Variants in SLC6A5 observed in about 807,000 individuals in gnomAD.
SLC6A5 encodes solute carrier family 6 member 5.
Under a neutral mutation model 90.5 loss-of-function variants are expected in SLC6A5, and 58 were observed. The ratio of observed to expected loss-of-function variants is 0.64; its 90% CI spans 0.52 to 0.80. The LOEUF (loss-of-function observed/expected upper bound fraction) is 0.80. Among genes scored for constraint, SLC6A5 ranks in the 30% least tolerant of loss-of-function variants. The pLI is 0.00. For synonymous variants in SLC6A5, 427 were observed against 401.4 expected (o/e 1.06, Z -0.76); for missense variants, 1,015 against 1,017.6 (o/e 1.00, Z 0.03).
At chr11:20,641,820 C>G (rs2298828) in intron 13 of SLC6A5, among the ~76,000 whole-genome samples, 1 of 152,038 alleles carries the variant, frequency 6.6e-6, no homozygotes, top group Admixed American at 6.6e-5. Flanking sequence ...AACTAGCTCC[C>G]AAGGAAGAAC....
At position 20,603,822 on chromosome 11, in the gene SLC6A5, G is replaced by GT. The variant is rs577253979; in HGVS notation, c.541-455dup. Among the ~76,000 whole-genome samples the GT allele has an allele frequency of 2.5e-3, 381 of 151,500 alleles. 2 individuals carry two copies. Among genetic ancestry groups the GT allele is most frequent in the African/African-American group, 7.8e-3 (321 of 41,316 alleles). On this transcript the variant is annotated intron_variant, in intron 2 of 15. Coordinates refer to ENST00000525748, the MANE Select transcript of SLC6A5 (RefSeq NM_004211.5). ...TGGCTGAGGAGGAGGTGTGGTGAAGGTTTTTTTTTGTGGGAGAGGGTTAAT... is the reference window on the plus strand; with the variant it reads ...TGGCTGAGGAGGAGGTGTGGTGAAGGTTTTTTTTTTGTGGGAGAGGGTTAAT...
Position 20,658,693 on chromosome 11 carries a change from G to T in SLC6A5, c.*3825G>T, listed in dbSNP as rs915616706. 1.3e-5 allele frequency: 2 copies of T among 152,192 alleles called. No individual in the cohort carries two copies. The highest frequency in any genetic ancestry group is 4.8e-5 in the African/African-American group (2 of 41,456). The allele number at this position is 152,192 out of a possible 1,614,324, so 9.4% of individuals were successfully genotyped here. On this transcript the variant is annotated 3_prime_UTR_variant, in exon 16 of 16. Coordinates refer to ENST00000525748, the MANE Select transcript of SLC6A5 (RefSeq NM_004211.5). Reference sequence around the variant, plus strand: ...TGAGCAGCCTGCAGCCAAAGAGAAAGTGTTTTCAGATTAGGTATTCATCAC... The same window carrying T: ...TGAGCAGCCTGCAGCCAAAGAGAAATTGTTTTCAGATTAGGTATTCATCAC...
intron 13 of SLC6A5, among the ~76,000 whole-genome samples, chr11:20,646,070 G>A (rs1225417942): frequency 6.6e-6 from 1 of 152,204 alleles, no homozygotes; most frequent in Admixed American, 6.5e-5. Context: ...TTCTGATGAG[G>A]TGGGGAAAGA....
intron 15 of SLC6A5, 53 bp downstream of exon 15, chr11:20,652,509 A>C: frequency 6.5e-7 from 1 of 1,528,906 alleles, no homozygotes; most frequent in South Asian, 1.1e-5. Flanking sequence ...AAAGCCCATA[A>C]AAGCTCTGCA....
Position 20,628,097 on chromosome 11 carries a change from C to G in SLC6A5, c.1499+14C>G, listed in dbSNP as rs768876541. On this transcript the variant is annotated intron_variant, in intron 9 of 15. Coordinates refer to ENST00000525748, the MANE Select transcript of SLC6A5 (RefSeq NM_004211.5). ...CAACTGCTACAGGTATGTAGAGGTA[C>G]TACAAGATCTGGGCATAGCTGGTGA... The G allele has an allele frequency of 2.5e-6, 4 of 1,591,724 alleles. No individual in the cohort carries two copies. In the African/African-American group the frequency reaches 5.4e-5, roughly 21 times the overall value.
chr11:20,650,745 C>A (rs1405924972), intron 14 of SLC6A5, among the ~76,000 whole-genome samples: 1 of 143,034 alleles, frequency 7.0e-6, no homozygotes, highest in Non-Finnish European at 1.5e-5. Context: ...CGGCTCACTG[C>A]AAGCTCCGCC....
At chr11:20,648,484 A>C (rs541909604) in intron 14 of SLC6A5, among the ~76,000 whole-genome samples, 56 of 152,168 alleles carry the variant, frequency 3.7e-4, no homozygotes, top group Non-Finnish European at 7.3e-4. Context: ...ATTTGTCTGA[A>C]AAGTCCCACC....
chr11:20,632,262 T>C (rs992727344), intron 10 of SLC6A5, among the ~76,000 whole-genome samples: 1 of 152,188 alleles, frequency 6.6e-6, no homozygotes, highest in Non-Finnish European at 1.5e-5. Context: ...TTTTGCTTTT[T>C]GTGACATTAC....
At chr11:20,636,839 C>G (rs994648037) in intron 11 of SLC6A5, among the ~76,000 whole-genome samples, 3 of 152,062 alleles carry the variant, frequency 2.0e-5, no homozygotes, top group East Asian at 1.9e-4. Flanking sequence ...GGTTTTTCCT[C>G]AAGTAGAAGA....
intron 9 of SLC6A5, among the ~76,000 whole-genome samples, chr11:20,628,959 A>G (rs1054760434): frequency 6.6e-6 from 1 of 152,182 alleles, no homozygotes; most frequent in Non-Finnish European, 1.5e-5. Context: ...GGCGGTGCAT[A>G]GTACAGGTAT....
chr11:20,622,800 T>A (rs1852917107), intron 7 of SLC6A5, among the ~76,000 whole-genome samples: 1 of 148,894 alleles, frequency 6.7e-6, no homozygotes, highest in Non-Finnish European at 1.5e-5. Flanking sequence ...TCCATCCTCA[T>A]TTCCCACCAG....
intron 3 of SLC6A5, among the ~76,000 whole-genome samples, chr11:20,604,750 C>T (rs1852546056): frequency 1.3e-5 from 2 of 152,082 alleles, no homozygotes; most frequent in Non-Finnish European, 2.9e-5. Context: ...CAGAGAGCGG[C>T]GGCACTCCGG....
Position 20,626,587 on chromosome 11 carries a change from C to G in SLC6A5, c.1261-121C>G, listed in dbSNP as rs11025665. The stretch of plus-strand genomic sequence containing the variant: ...CCCCAGCCCTGGCTGCATTTGGGGA[C>G]AACTACCCTGATGTGCTCTCTGTCA... On this transcript the variant is annotated intron_variant, in intron 7 of 15. Transcript: ENST00000525748. The G allele has an allele frequency of 0.09, 99,029 of 1,099,546 alleles. 5,114 individuals are homozygous for G. Among genetic ancestry groups the G allele is most frequent in the East Asian group, 0.2 (8,119 of 40,798 alleles). 68.1% of individuals were successfully genotyped at this position (1,099,546 alleles called of 1,614,324 possible). A position where few individuals can be genotyped will look rare whatever the true frequency, so the allele number is the denominator to read the frequency against.
At chr11:20,604,168 C>T (rs1225806346) in intron 2 of SLC6A5, 118 bp from the exon 3 acceptor site, 10 of 1,308,056 alleles carry the variant, frequency 7.6e-6, no homozygotes, top group Admixed American at 2.2e-5. Context: ...GATGCATCCT[C>T]GGTTGAGAAG....
chr11:20,633,589 C>T (rs1190641969), intron 10 of SLC6A5, among the ~76,000 whole-genome samples: 2 of 152,172 alleles, frequency 1.3e-5, no homozygotes, highest in African/African-American at 4.8e-5. Flanking sequence ...AAAGGAGGCT[C>T]TCATGGTAGG....
At chr11:20,618,355 T>A (rs1852823612) in intron 7 of SLC6A5, among the ~76,000 whole-genome samples, 2 of 152,218 alleles carry the variant, frequency 1.3e-5, no homozygotes, top group Admixed American at 1.3e-4. Flanking sequence ...CCGGCCACCA[T>A]GTTCATGGCC....
At chr11:20,635,660 AAAAT>A (rs1164018256) in intron 10 of SLC6A5, among the ~76,000 whole-genome samples, 7 of 152,310 alleles carry the variant, frequency 4.6e-5, no homozygotes, top group Admixed American at 1.3e-4. Flanking sequence ...AGAACTTAAT[AAAAT>A]AAATAAAGGA....
intron 13 of SLC6A5, among the ~76,000 whole-genome samples, chr11:20,645,566 G>A (rs1324715395): frequency 6.6e-6 from 1 of 151,400 alleles, no homozygotes; most frequent in Admixed American, 6.6e-5. Flanking sequence ...GGAGATGTTG[G>A]TATGTCCCTC....
In SLC6A5 at chr11:20,638,572, T is replaced by G. The variant is rs771255833; in HGVS notation, c.1969+14T>G. The G allele has an allele frequency of 6.7e-7, 1 of 1,482,812 alleles. No homozygotes were observed. Among genetic ancestry groups the G allele is most frequent in the African/African-American group, 1.4e-5 (1 of 72,456 alleles). The allele number at this position is 1,482,812 out of a possible 1,614,324, so 91.9% of individuals were successfully genotyped here. On this transcript the variant is annotated intron_variant, in intron 13 of 15. Transcript: ENST00000525748. ...CTTATGTGTATGGTAAGGAAATCAC[T>G]GTGCCTGTTGCTGAAGTAGAGCTTG...
Sources: allele counts gnomAD v4.1 joint callset (sites outside exome capture counted in the v4.1 genomes callset), GRCh38; gene constraint gnomAD v4.1.1; transcripts MANE v1.5; gene names NCBI Gene and HGNC (gene_info 2026-07-23, HGNC 2026-07-21).